R3HCC1L: variants seen among roughly 807,000 people sequenced by gnomAD.
R3HCC1L encodes coiled-coil domain-containing protein R3HCC1L.
A neutral mutation model predicts 59.9 loss-of-function variants in R3HCC1L; 51 were observed. The observed-to-expected ratio is 0.85, with a 90% CI of 0.68 to 1.07. The LOEUF is 1.07. R3HCC1L is among the 50% of genes least tolerant of loss of function. R3HCC1L has a pLI of 0.00. For synonymous variants in R3HCC1L, 322 were observed against 315.2 expected, an observed-to-expected ratio of 1.02 and a Z score of -0.23; for missense variants, 965 against 933.0, an observed-to-expected ratio of 1.03 and a Z score of -0.45.
In R3HCC1L at chr10:98,209,380, A is replaced by G; in HGVS notation, c.1266A>G (p.Ala422=). ...FSKFVGMSAD[A]TPLHVARSGN... is the part of the protein sequence containing the mutation. ...AGTTTGTAGGAATGAGTGCAGATGC[A>G]ACCCCTCTTCATGTAGCTAGAAGTG... The change falls in exon 5 of 10, where the codon GCA becomes GCG. Residue 422 remains alanine (A), a synonymous_variant. Transcript: ENST00000298999. 2 of 1,614,004 alleles carry G rather than the reference A, an allele frequency of 1.2e-6. No homozygotes were observed. The highest frequency in any genetic ancestry group is 1.1e-5 in the South Asian group (1 of 91,080).
chr10:98,173,553 T>A (rs1452344104), intron 4 of R3HCC1L, among the ~76,000 whole-genome samples: 1 of 152,174 alleles, frequency 6.6e-6, no homozygotes, highest in Non-Finnish European at 1.5e-5. Flanking sequence ...AGGCTGCTGA[T>A]GTTCCTGATT....
chr10:98,165,666 C>A (rs1847874372), intron 4 of R3HCC1L, among the ~76,000 whole-genome samples: 1 of 152,214 alleles, frequency 6.6e-6, no homozygotes, highest in Admixed American at 6.5e-5. Context: ...TTCTTTCTTT[C>A]AGTATGAGAA....
chr10:98,178,533 T>A lies in R3HCC1L; in HGVS notation c.-15+15136T>A, dbSNP rs530548275. ...GCTTTGTTCTTTTGGCTTAGGATTG[T>A]CTTGGCAATGCGGGCTCTTTTTTGG... On this transcript the variant is annotated intron_variant, in intron 4 of 9. Coordinates refer to ENST00000298999, the MANE Select transcript of R3HCC1L (RefSeq NM_001351015.2). Among the ~76,000 whole-genome samples, 12 of 152,306 alleles carry A rather than the reference T, an allele frequency of 7.9e-5. No individual in the cohort carries two copies. In the East Asian group the frequency reaches 1.2e-3, roughly 15 times the overall value.
chr10:98,159,229 G>A (rs1239984782), intron 2 of R3HCC1L, among the ~76,000 whole-genome samples: 1 of 152,108 alleles, frequency 6.6e-6, no homozygotes, highest in Non-Finnish European at 1.5e-5. Flanking sequence ...ATACCGCAAA[G>A]TATTGTTATG....
At chr10:98,180,526 G>A (rs1849521238) in intron 4 of R3HCC1L, among the ~76,000 whole-genome samples, 1 of 152,184 alleles carries the variant, frequency 6.6e-6, no homozygotes, top group South Asian at 2.1e-4. Context: ...TGAGAAGAAT[G>A]TATATTCCGT....
At chr10:98,145,656 A>C (rs1845578811) in intron 1 of R3HCC1L, among the ~76,000 whole-genome samples, 1 of 152,344 alleles carries the variant, frequency 6.6e-6, no homozygotes, top group East Asian at 1.9e-4. Flanking sequence ...AGAGCCACAT[A>C]AGAAAACCAT....
At chr10:98,147,207 A>G (rs940414437) in intron 1 of R3HCC1L, among the ~76,000 whole-genome samples, 10 of 152,060 alleles carry the variant, frequency 6.6e-5, no homozygotes, top group Non-Finnish European at 1.3e-4. Context: ...TTTGAATGTC[A>G]TCTTTTGAAA....
chr10:98,145,646 A>G (rs554741964), intron 1 of R3HCC1L, among the ~76,000 whole-genome samples: 1 of 152,342 alleles, frequency 6.6e-6, no homozygotes, highest in South Asian at 2.1e-4. Context: ...TAGAACCTGT[A>G]GAGCCACATA....
At chr10:98,168,606 A>G (rs1848197642) in intron 4 of R3HCC1L, among the ~76,000 whole-genome samples, 1 of 152,190 alleles carries the variant, frequency 6.6e-6, no homozygotes, top group Non-Finnish European at 1.5e-5. Flanking sequence ...TGCAAGCTGT[A>G]TTCTTTGTCC....
At chr10:98,218,938 T>G (rs1854545626) in intron 5 of R3HCC1L, among the ~76,000 whole-genome samples, 1 of 152,180 alleles carries the variant, frequency 6.6e-6, no homozygotes, top group Non-Finnish European at 1.5e-5. Flanking sequence ...TCTTTTTTTT[T>G]GGAAACTCTG....
chr10:98,152,333 C>A (rs1846266961), intron 1 of R3HCC1L, among the ~76,000 whole-genome samples: 1 of 152,020 alleles, frequency 6.6e-6, no homozygotes, highest in African/African-American at 2.4e-5. Flanking sequence ...CCTGCCTTGG[C>A]CTCCCAAAGT....
At chr10:98,219,211 C>T (rs985137809) in intron 5 of R3HCC1L, among the ~76,000 whole-genome samples, 1 of 152,212 alleles carries the variant, frequency 6.6e-6, no homozygotes, top group African/African-American at 2.4e-5. Flanking sequence ...CATGCCCAGC[C>T]AGGCCTTTTT....
chr10:98,215,260 T>C (rs2135374704), intron 5 of R3HCC1L, among the ~76,000 whole-genome samples: 1 of 152,358 alleles, frequency 6.6e-6, no homozygotes, highest in East Asian at 1.9e-4. Context: ...AAAAAGAGTA[T>C]TCTATTTAAA....
chr10:98,209,112 G>C lies in R3HCC1L; in HGVS notation c.998G>C (p.Cys333Ser). The change falls in exon 5 of 10, where the codon TGT (cysteine) becomes TCT (serine). Residue 333 changes from cysteine to serine, a missense_variant. Transcript: ENST00000298999. Reference sequence around the variant, plus strand: ...GTTAGTCCAGTAATGATTAGAGAATGTGAGAAGAATGACAGCACTGCTGAT... The same window carrying C: ...GTTAGTCCAGTAATGATTAGAGAATCTGAGAAGAATGACAGCACTGCTGAT... Reference protein sequence around the residue: ...DTVSPVMIRECEKNDSTADEL... With the variant: ...DTVSPVMIRESEKNDSTADEL... 2 of 1,614,086 alleles carry C rather than the reference G, an allele frequency of 1.2e-6. No homozygotes were observed. Among genetic ancestry groups the C allele is most frequent in the Non-Finnish European group, 1.7e-6 (2 of 1,180,010 alleles).
intron 5 of R3HCC1L, among the ~76,000 whole-genome samples, chr10:98,223,552 A>G (rs532808384): frequency 2.6e-5 from 4 of 151,390 alleles, no homozygotes; most frequent in Non-Finnish European, 5.9e-5. Flanking sequence ...TCCTATAGAT[A>G]TATCTATTCT....
chr10:98,189,840 A>G (rs921970295), intron 4 of R3HCC1L, among the ~76,000 whole-genome samples: 2 of 152,222 alleles, frequency 1.3e-5, no homozygotes, highest in Non-Finnish European at 2.9e-5. Context: ...ATGTTATTAT[A>G]TCACACACAA....
chr10:98,168,261 T>G (rs1848154464), intron 4 of R3HCC1L, among the ~76,000 whole-genome samples: 1 of 152,322 alleles, frequency 6.6e-6, no homozygotes, highest in Admixed American at 6.5e-5. Context: ...TGACTGCCTT[T>G]TGAGGTGGTC....
chr10:98,196,022 A>G (rs912854722), intron 4 of R3HCC1L, among the ~76,000 whole-genome samples: 2 of 152,212 alleles, frequency 1.3e-5, no homozygotes, highest in African/African-American at 4.8e-5. Flanking sequence ...TGTGACATTT[A>G]TTTATGTATA....
chr10:98,186,513 A>C, intron 4 of R3HCC1L: 1 of 983,694 alleles, frequency 1.0e-6, no homozygotes, highest in Non-Finnish European at 1.2e-6. Flanking sequence ...ATAAACCTTT[A>C]GAACTTACAT....
Sources: gnomAD v4.1 joint callset for allele counts (sites outside exome capture counted in the v4.1 genomes callset) on GRCh38, gnomAD v4.1.1 for gene constraint, MANE v1.5 for transcripts, NCBI Gene and HGNC (gene_info 2026-07-23, HGNC 2026-07-21) for gene names.